The following DOCK3 variants were observed in gnomAD, a reference collection of about 807,000 sequenced individuals.
The protein encoded by DOCK3 is dedicator of cytokinesis protein 3.
In DOCK3, 60 loss-of-function variants were observed where a neutral mutation model predicts 265.6. The ratio of observed to expected loss-of-function variants is 0.23; its 90% CI spans 0.18 to 0.28. DOCK3 has a LOEUF of 0.28. DOCK3 is among the 10% of genes least tolerant of loss of function. The pLI is 1.00. For synonymous variants in DOCK3, 881 were observed against 938.0 expected (o/e 0.94, Z 1.11); for missense variants, 1,981 against 2,594.3 (o/e 0.76, Z 5.14).
intron 10 of DOCK3, 116 bp downstream of exon 10, chr3:51,146,746 A>T: frequency 1.2e-6 from 1 of 822,932 alleles, no homozygotes; most frequent in Non-Finnish European, 1.9e-6. Context: ...CACTGGGGAG[A>T]ATAGGACTTG....
chr3:50,728,971 G>T (rs1465396426), intron 1 of DOCK3, among the ~76,000 whole-genome samples: 1 of 146,856 alleles, frequency 6.8e-6, no homozygotes, highest in African/African-American at 2.5e-5. Flanking sequence ...TGATCTGCCC[G>T]CCTCGGCCTC....
chr3:50,737,548 T>G (rs1343049014), intron 1 of DOCK3, among the ~76,000 whole-genome samples: 1 of 152,228 alleles, frequency 6.6e-6, no homozygotes, highest in Admixed American at 6.5e-5. Context: ...CCCATATATA[T>G]GAATATGTTA....
chr3:50,890,071 A>C lies in DOCK3; in HGVS notation c.208A>C (p.Ser70Arg). 1 of 1,431,348 alleles carries C rather than the reference A, an allele frequency of 7.0e-7. No homozygotes were observed. Among genetic ancestry groups the C allele is most frequent in the Non-Finnish European group, 9.1e-7 (1 of 1,102,334 alleles). 88.7% of individuals were successfully genotyped at this position (1,431,348 alleles called of 1,614,324 possible). A position where few individuals can be genotyped will look rare whatever the true frequency, so the allele number is the denominator to read the frequency against. The change falls in exon 4 of 53, where the codon AGT becomes CGT. Residue 70 changes from serine (S) to arginine (R), a missense_variant. This residue lies in a region of DOCK3 where 456 missense variants were observed against 539.0 expected (regional missense o/e 0.85). Transcript: ENST00000266037. ...CATTCACTTGAAAAAGGCAATTGTC[A>C]GTAATAGGGGGTGAGTAATTGGCCT... ...NYIHLKKAIVSNRGQYETVVP... is the reference protein window; with the variant it reads ...NYIHLKKAIVRNRGQYETVVP...
chr3:50,883,173 G>A (rs1241680470), intron 3 of DOCK3, among the ~76,000 whole-genome samples: 1 of 151,996 alleles, frequency 6.6e-6, no homozygotes, highest in Non-Finnish European at 1.5e-5. Flanking sequence ...TACAAATGAT[G>A]AGTTAACAGG....
At chr3:50,772,086 A>G (rs1298955668) in intron 1 of DOCK3, among the ~76,000 whole-genome samples, 2 of 152,230 alleles carry the variant, frequency 1.3e-5, no homozygotes, top group African/African-American at 4.8e-5. Context: ...TGTGGTACAC[A>G]TACACAACGG....
intron 1 of DOCK3, among the ~76,000 whole-genome samples, chr3:50,711,261 G>A (rs906226967): frequency 6.9e-6 from 1 of 145,436 alleles, no homozygotes; most frequent in Non-Finnish European, 1.5e-5. Context: ...ATGTTGCTTA[G>A]TCCTTTTTTT....
At chr3:51,057,546 A>C (rs1258542265) in intron 5 of DOCK3, among the ~76,000 whole-genome samples, 1 of 152,212 alleles carries the variant, frequency 6.6e-6, no homozygotes, top group East Asian at 1.9e-4. Context: ...GCAGGTCTCT[A>C]AGTAGAAAAG....
intron 1 of DOCK3, among the ~76,000 whole-genome samples, chr3:50,765,488 T>A (rs548326231): frequency 2.0e-5 from 3 of 152,310 alleles, no homozygotes; most frequent in Non-Finnish European, 4.4e-5. Context: ...AAATAAAGTA[T>A]AGGCCTGAAA....
chr3:50,746,055 A>AT (rs1227074431), intron 1 of DOCK3, among the ~76,000 whole-genome samples: 2 of 150,118 alleles, frequency 1.3e-5, no homozygotes, highest in Non-Finnish European at 3.0e-5. Flanking sequence ...TTATGTTTTC[A>AT]TTCTTTTTAC....
intron 5 of DOCK3, among the ~76,000 whole-genome samples, chr3:50,984,347 A>G (rs2077816690): frequency 6.6e-6 from 1 of 152,160 alleles, no homozygotes. Flanking sequence ...TGTTTTCATG[A>G]TGGTACATAC....
intron 4 of DOCK3, among the ~76,000 whole-genome samples, chr3:50,919,431 G>T (rs1467889768): frequency 6.6e-6 from 1 of 152,082 alleles, no homozygotes; most frequent in East Asian, 1.9e-4. Context: ...TTATTTCGTT[G>T]AGCAGTGGTT....
chr3:50,779,227 C>T (rs934189846), intron 2 of DOCK3, among the ~76,000 whole-genome samples: 8 of 151,848 alleles, frequency 5.3e-5, no homozygotes, highest in Non-Finnish European at 1.0e-4. Context: ...ATATTTTGTG[C>T]CCTCTTACTT....
At chr3:51,128,800 G>C (rs2084382102) in intron 9 of DOCK3, among the ~76,000 whole-genome samples, 1 of 152,168 alleles carries the variant, frequency 6.6e-6, no homozygotes, top group Non-Finnish European at 1.5e-5. Flanking sequence ...GCCTTGGTGA[G>C]TGGAAGTCCA....
intron 4 of DOCK3, among the ~76,000 whole-genome samples, chr3:50,908,633 C>T (rs981262949): frequency 2.0e-5 from 3 of 152,048 alleles, no homozygotes; most frequent in African/African-American, 7.3e-5. Flanking sequence ...TGTTTTACTT[C>T]TGATTATGTG....
At chr3:50,821,336 G>T (rs1297108609) in intron 2 of DOCK3, among the ~76,000 whole-genome samples, 1 of 150,810 alleles carries the variant, frequency 6.6e-6, no homozygotes, top group Non-Finnish European at 1.5e-5. Flanking sequence ...GTCTCACTTT[G>T]TCGCCCAGGC....
At chr3:51,067,239 C>T (rs2081624405) in intron 6 of DOCK3, among the ~76,000 whole-genome samples, 1 of 152,096 alleles carries the variant, frequency 6.6e-6, no homozygotes, top group Non-Finnish European at 1.5e-5. Context: ...CTATCAGTAC[C>T]TATACCTCTT....
At chr3:50,816,001 G>C (rs2044051548) in intron 2 of DOCK3, among the ~76,000 whole-genome samples, 1 of 152,000 alleles carries the variant, frequency 6.6e-6, no homozygotes, top group African/African-American at 2.4e-5. Context: ...ACTCAGGTAG[G>C]CTGGAATCTT....
chr3:50,862,791 TG>T (rs1680138807), intron 3 of DOCK3, among the ~76,000 whole-genome samples: 1 of 152,144 alleles, frequency 6.6e-6, no homozygotes, highest in Non-Finnish European at 1.5e-5. Flanking sequence ...ACTGCCATTT[TG>T]TGTAGGGAGG....
chr3:50,865,166 T>C (rs2047082396), intron 3 of DOCK3, among the ~76,000 whole-genome samples: 1 of 152,176 alleles, frequency 6.6e-6, no homozygotes. Context: ...TTATACTGTT[T>C]TAATTATTTT....
Sources: allele counts gnomAD v4.1 joint callset (sites outside exome capture counted in the v4.1 genomes callset), GRCh38; gene constraint gnomAD v4.1.1; regional missense constraint gnomAD v4.1.1; transcripts MANE v1.5; gene names NCBI Gene and HGNC (gene_info 2026-07-23, HGNC 2026-07-21).